The following MYL11 variants were observed in gnomAD, a reference collection of about 807,000 sequenced individuals.
The protein encoded by MYL11 is myosin regulatory light chain 11.
the MYL11 span, chr16:30,376,833 G>A: frequency 2.4e-6 from 2 of 818,892 alleles, no homozygotes; most frequent in South Asian, 3.2e-5. Flanking sequence ...TTGGGAGGCA[G>A]AGGCAGGAGG....
At chr16:30,375,944 G>T in the MYL11 span, 1 of 1,607,354 alleles carries the variant, frequency 6.2e-7, no homozygotes, top group South Asian at 1.1e-5. Context: ...CTGGAAGGCT[G>T]ACCAAAAGCA....
the MYL11 span, chr16:30,376,557 C>T: frequency 1.7e-4 from 269 of 1,613,604 alleles, 3 homozygotes; most frequent in Middle Eastern, 2.3e-3. Context: ...TCCAAGGCCC[C>T]GGCTGCCTTT....
the MYL11 span, among the ~76,000 whole-genome samples, chr16:30,374,085 G>A: frequency 6.6e-6 from 1 of 152,142 alleles, no homozygotes; most frequent in South Asian, 2.1e-4. Flanking sequence ...GGCCTAGGTG[G>A]ATGGATCACC....
the MYL11 span, chr16:30,376,373 C>A: frequency 1.8e-5 from 28 of 1,578,370 alleles, no homozygotes; most frequent in Non-Finnish European, 2.4e-5. Context: ...GAAGCGCAGG[C>A]CCGGCCCCAG....
chr16:30,377,842 T>C, the MYL11 span: 112 of 1,614,144 alleles, frequency 6.9e-5, no homozygotes, highest in Non-Finnish European at 8.5e-5. Context: ...GGCGGCAACG[T>C]CGACTACAAA....
the MYL11 span, among the ~76,000 whole-genome samples, chr16:30,371,289 GC>G: frequency 1.3e-5 from 2 of 152,136 alleles, no homozygotes; most frequent in African/African-American, 2.4e-5. Flanking sequence ...GTGCCGCGCT[GC>G]CCCCTCTCGA....
the MYL11 span, chr16:30,375,793 C>A: frequency 1.3e-6 from 2 of 1,592,972 alleles, no homozygotes; most frequent in South Asian, 1.1e-5. Flanking sequence ...GGTCCATGGG[C>A]CCCTTTGTTC....
At chr16:30,373,654 C>CA in the MYL11 span, among the ~76,000 whole-genome samples, 2 of 150,766 alleles carry the variant, frequency 1.3e-5, no homozygotes, top group African/African-American at 4.9e-5. Context: ...CCCAGCTACT[C>CA]AGGAGGCTGA....
At chr16:30,375,990 T>C in the MYL11 span, 3 of 1,533,978 alleles carry the variant, frequency 2.0e-6, no homozygotes, top group Non-Finnish European at 1.8e-6. Context: ...GTGCACCTGC[T>C]TGAAGGAGGG....
At chr16:30,375,117 A>G in the MYL11 span, among the ~76,000 whole-genome samples, 6 of 152,162 alleles carry the variant, frequency 3.9e-5, no homozygotes, top group Non-Finnish European at 1.5e-5. Context: ...CCATCTTCCT[A>G]AGGCCCTCTG....
At chr16:30,377,680 G>A in the MYL11 span, 1 of 1,547,400 alleles carries the variant, frequency 6.5e-7, no homozygotes, top group South Asian at 1.2e-5. Context: ...ACCACGCAGT[G>A]TGACCGCTTC....
At chr16:30,376,088 G>A in the MYL11 span, 5 of 1,580,238 alleles carry the variant, frequency 3.2e-6, no homozygotes, top group East Asian at 8.9e-5. Context: ...TCCTGGGGTA[G>A]GGATGCTGAG....
At chr16:30,375,762 C>A in the MYL11 span, 2 of 1,417,658 alleles carry the variant, frequency 1.4e-6, no homozygotes, top group Non-Finnish European at 2.0e-6. Flanking sequence ...AATCCATTGC[C>A]CCCAGAGAGG....
the MYL11 span, among the ~76,000 whole-genome samples, chr16:30,373,944 C>G: frequency 6.6e-6 from 1 of 152,012 alleles, no homozygotes; most frequent in Non-Finnish European, 1.5e-5. Flanking sequence ...AAAGTACATC[C>G]ACAAAGCCCA....
the MYL11 span, chr16:30,371,009 G>A: frequency 6.6e-6 from 1 of 152,318 alleles, no homozygotes; most frequent in Non-Finnish European, 1.5e-5. Context: ...AAAATGGTCA[G>A]TAAGGAATGA....
the MYL11 span, among the ~76,000 whole-genome samples, chr16:30,371,574 T>G: frequency 6.6e-6 from 1 of 152,174 alleles, no homozygotes; most frequent in Non-Finnish European, 1.5e-5. Flanking sequence ...AGTTCCCATC[T>G]ATCTGAGCTC....
the MYL11 span, among the ~76,000 whole-genome samples, chr16:30,373,476 G>C: frequency 3.1e-4 from 47 of 152,140 alleles, no homozygotes; most frequent in African/African-American, 1.1e-3. Context: ...CGCGCCTGTA[G>C]TCCCAGCTAC....
chr16:30,376,781 C>G, the MYL11 span: 1 of 1,388,482 alleles, frequency 7.2e-7, no homozygotes, highest in Admixed American at 1.9e-5. Context: ...TAAATTTCTA[C>G]CAAGGCTGGG....
At chr16:30,377,750 G>A in the MYL11 span, 3 of 1,592,718 alleles carry the variant, frequency 1.9e-6, no homozygotes, top group Non-Finnish European at 2.6e-6. Context: ...GGCTGGGGCC[G>A]GGGAGACTAA....
Sources: gnomAD v4.1 joint callset for allele counts (sites outside exome capture counted in the v4.1 genomes callset) on GRCh38, gnomAD v4.1.1 for gene constraint, MANE v1.5 for transcripts, NCBI Gene and HGNC (gene_info 2026-07-23, HGNC 2026-07-21) for gene names.